The following CDYL2 variants were observed in gnomAD, a reference collection of about 807,000 sequenced individuals.
The protein encoded by CDYL2 is chromodomain Y-like protein 2.
Under a neutral mutation model 49.4 loss-of-function variants are expected in CDYL2, and 23 were observed. The ratio of observed to expected loss-of-function variants is 0.47; its 90% CI spans 0.34 to 0.66. The LOEUF is 0.66. CDYL2 is among the 30% of genes least tolerant of loss of function. The pLI, the probability that CDYL2 is intolerant of heterozygous loss-of-function variation, is 0.01. For synonymous variants in CDYL2, 360 were observed against 268.8 expected (o/e 1.34, Z -3.32); for missense variants, 678 against 656.4 (o/e 1.03, Z -0.36).
intron 2 of CDYL2, among the ~76,000 whole-genome samples, chr16:80,639,451 G>C (rs1212652012): frequency 6.6e-6 from 1 of 152,172 alleles, no homozygotes; most frequent in Non-Finnish European, 1.5e-5. Context: ...AGCAACCATT[G>C]TGTCCTTTAA....
At chr16:80,780,233 T>C (rs578180638) in intron 1 of CDYL2, among the ~76,000 whole-genome samples, 19 of 152,166 alleles carry the variant, frequency 1.2e-4, no homozygotes, top group African/African-American at 4.6e-4. Flanking sequence ...AATTCTAAAA[T>C]GCATTTTTTA....
intron 1 of CDYL2, among the ~76,000 whole-genome samples, chr16:80,746,197 C>T (rs934112852): frequency 1.8e-4 from 27 of 152,266 alleles, no homozygotes; most frequent in Admixed American, 1.8e-3. Context: ...TCCCCATTCC[C>T]ATGACAATCC....
intron 1 of CDYL2, among the ~76,000 whole-genome samples, chr16:80,715,698 T>C (rs905886670): frequency 6.6e-6 from 1 of 152,110 alleles, no homozygotes; most frequent in Non-Finnish European, 1.5e-5. Context: ...AATGAGAACA[T>C]GTAAAACCCT....
chr16:80,750,837 T>G (rs1241076012), intron 1 of CDYL2, among the ~76,000 whole-genome samples: 1 of 151,990 alleles, frequency 6.6e-6, no homozygotes, highest in Non-Finnish European at 1.5e-5. Flanking sequence ...GGCTAAACAG[T>G]GAAACCCCGT....
chr16:80,659,533 C>G (rs1908955632), intron 2 of CDYL2, among the ~76,000 whole-genome samples: 1 of 151,586 alleles, frequency 6.6e-6, no homozygotes, highest in Non-Finnish European at 1.5e-5. Flanking sequence ...GGTAAGGAGG[C>G]ATAATGTATA....
At chr16:80,724,480 C>T (rs1905103114) in intron 1 of CDYL2, among the ~76,000 whole-genome samples, 1 of 152,164 alleles carries the variant, frequency 6.6e-6, no homozygotes, top group Admixed American at 6.5e-5. Flanking sequence ...CTCCCTGCAG[C>T]ATGAAGATCC....
At chr16:80,631,942 A>G (rs1907582816) in intron 3 of CDYL2, among the ~76,000 whole-genome samples, 1 of 152,226 alleles carries the variant, frequency 6.6e-6, no homozygotes, top group Non-Finnish European at 1.5e-5. Flanking sequence ...TACTGGTCAG[A>G]ACGTAAAATG....
rs1906159048 is a variant in CDYL2, at chr16:80,602,933, A to G, written c.*1455T>C. The G allele has an allele frequency of 2.0e-5, 3 of 152,180 alleles. No homozygotes were observed. Among genetic ancestry groups the G allele is most frequent in the Admixed American group, 6.5e-5 (1 of 15,282 alleles). 9.4% of individuals were successfully genotyped at this position (152,180 alleles called of 1,614,324 possible). On this transcript the variant is annotated 3_prime_UTR_variant, in exon 7 of 7. Coordinates refer to ENST00000570137, the MANE Select transcript of CDYL2 (RefSeq NM_152342.4). ...TTCCTGAACTTTCTCCTCACCACTC[A>G]AAACCACAACCCCCAATCCCTCCTT...
intron 1 of CDYL2, among the ~76,000 whole-genome samples, chr16:80,741,641 A>G: frequency 6.6e-6 from 1 of 152,230 alleles, no homozygotes. Flanking sequence ...AAATAAAACA[A>G]AAGATATTTA....
chr16:80,653,914 G>A (rs931996081), intron 2 of CDYL2, among the ~76,000 whole-genome samples: 2 of 152,178 alleles, frequency 1.3e-5, no homozygotes, highest in African/African-American at 4.8e-5. Context: ...CCAGGATCCA[G>A]ACAACCCAAG....
intron 4 of CDYL2, among the ~76,000 whole-genome samples, chr16:80,618,627 C>A (rs1303540464): frequency 6.6e-6 from 1 of 152,186 alleles, no homozygotes; most frequent in Non-Finnish European, 1.5e-5. Flanking sequence ...GACCCAGCTA[C>A]AATACCTTAT....
At chr16:80,748,204 A>G (rs1166032376) in intron 1 of CDYL2, among the ~76,000 whole-genome samples, 1 of 148,958 alleles carries the variant, frequency 6.7e-6, no homozygotes, top group Admixed American at 6.7e-5. Flanking sequence ...CCAGAGGTGT[A>G]GGTCTGTGCC....
chr16:80,624,186 G>C (rs545381470), intron 3 of CDYL2, among the ~76,000 whole-genome samples: 7 of 152,186 alleles, frequency 4.6e-5, no homozygotes, highest in African/African-American at 1.7e-4. Flanking sequence ...GGCTGAAAAG[G>C]TACAGGCTTT....
chr16:80,730,510 T>A (rs1187387837), intron 1 of CDYL2, among the ~76,000 whole-genome samples: 2 of 152,210 alleles, frequency 1.3e-5, no homozygotes, highest in Admixed American at 1.3e-4. Flanking sequence ...CACAGCCGAA[T>A]TCTACCAGAG....
chr16:80,703,596 G>T (rs761688160), intron 1 of CDYL2, among the ~76,000 whole-genome samples: 2 of 152,060 alleles, frequency 1.3e-5, no homozygotes, highest in Non-Finnish European at 2.9e-5. Context: ...CAGGCCACAG[G>T]GCCTCCCTGT....
intron 2 of CDYL2, among the ~76,000 whole-genome samples, chr16:80,670,093 T>A (rs1207048842): frequency 2.0e-5 from 3 of 152,222 alleles, no homozygotes; most frequent in Admixed American, 6.5e-5. Context: ...ACTGGTGTAT[T>A]CAGAAATATG....
At chr16:80,653,245 C>T (rs1217491209) in intron 2 of CDYL2, among the ~76,000 whole-genome samples, 2 of 152,198 alleles carry the variant, frequency 1.3e-5, no homozygotes, top group East Asian at 1.9e-4. Context: ...GCAGGCGGAT[C>T]ACCTGAGGTC....
rs1380728232 is a variant in CDYL2, at chr16:80,608,240, A to G, written c.1219-5T>C. The G allele has an allele frequency of 6.4e-7, 1 of 1,560,038 alleles. No individual in the cohort carries two copies. Among genetic ancestry groups the G allele is most frequent in the East Asian group, 2.4e-5 (1 of 41,918 alleles). ...ACAGAACAGCATCTCATTGGCCTGA[A>G]AAAGCAAAAGCAGGCAAAGACTGAG... On this transcript the variant is annotated splice_polypyrimidine_tract_variant and splice_region_variant and intron_variant, in intron 5 of 6. Transcript: ENST00000570137.
At chr16:80,715,399 G>A (rs954650995) in intron 1 of CDYL2, among the ~76,000 whole-genome samples, 3 of 152,236 alleles carry the variant, frequency 2.0e-5, no homozygotes, top group Middle Eastern at 3.4e-3. Context: ...AAGGCGAGGA[G>A]CCATTCTGAC....
Sources: allele counts gnomAD v4.1 joint callset (sites outside exome capture counted in the v4.1 genomes callset), GRCh38; gene constraint gnomAD v4.1.1; transcripts MANE v1.5; gene names NCBI Gene and HGNC (gene_info 2026-07-23, HGNC 2026-07-21).